PAPOLA: variants seen among roughly 807,000 people sequenced by gnomAD.
PAPOLA encodes the protein poly(A) polymerase alpha, also known as polynucleotide adenylyltransferase alpha.
In PAPOLA, 15 loss-of-function variants were observed where a neutral mutation model predicts 100.6. That is an observed-to-expected ratio of 0.15 (90% CI 0.10 to 0.23). The LOEUF (loss-of-function observed/expected upper bound fraction) is 0.23. Among genes scored for constraint, PAPOLA ranks in the 10% least tolerant of loss-of-function variants. The pLI, the probability that PAPOLA is intolerant of heterozygous loss-of-function variation, is 1.00. For missense variants in PAPOLA, 533 were observed against 884.2 expected, an observed-to-expected ratio of 0.60 and a Z score of 5.04; for synonymous variants, 293 against 300.0, an observed-to-expected ratio of 0.98 and a Z score of 0.24.
At chr14:96,557,090 G>A (rs963272369) in intron 19 of PAPOLA, among the ~76,000 whole-genome samples, 4 of 152,122 alleles carry the variant, frequency 2.6e-5, no homozygotes, top group African/African-American at 9.7e-5. Flanking sequence ...CTTTTGCCCA[G>A]GTTGGAGTGC....
chr14:96,508,267 G>A (rs1356845233), intron 1 of PAPOLA, among the ~76,000 whole-genome samples: 1 of 152,110 alleles, frequency 6.6e-6, no homozygotes, highest in Non-Finnish European at 1.5e-5. Context: ...TTTTGTTGTT[G>A]TCAGTGAAAA....
intron 20 of PAPOLA, 80 bp from the exon 21 acceptor site, chr14:96,562,739 A>G (rs925159449): frequency 2.5e-5 from 20 of 796,984 alleles, no homozygotes; most frequent in African/African-American, 1.7e-4. Flanking sequence ...TGTCTTCTTT[A>G]TTAGCCACCA....
At chr14:96,515,995 C>T (rs1897428866) in intron 1 of PAPOLA, among the ~76,000 whole-genome samples, 1 of 152,118 alleles carries the variant, frequency 6.6e-6, no homozygotes, top group African/African-American at 2.4e-5. Context: ...AATCCTTAAT[C>T]TTTGGAGGTT....
At chr14:96,524,987 G>C (rs1898343606) in intron 3 of PAPOLA, among the ~76,000 whole-genome samples, 1 of 152,160 alleles carries the variant, frequency 6.6e-6, no homozygotes, top group Non-Finnish European at 1.5e-5. Flanking sequence ...TCTTTGTCAT[G>C]AATAAAGTCC....
intron 3 of PAPOLA, among the ~76,000 whole-genome samples, chr14:96,522,108 C>CTTTTTTTTTTTTTTTTTT: frequency 2.0e-5 from 2 of 98,336 alleles, no homozygotes; most frequent in South Asian, 8.0e-4. Context: ...TAGCCTCTTT[C>CTTTTTTTTTTTTTTTTTT]TTTCTTTCTT....
intron 17 of PAPOLA, among the ~76,000 whole-genome samples, chr14:96,554,670 C>T (rs1183971983): frequency 6.6e-6 from 1 of 152,038 alleles, no homozygotes; most frequent in Admixed American, 6.5e-5. Flanking sequence ...AACCAGAGGA[C>T]TTTTCTGCTT....
At chr14:96,527,119 C>A in intron 4 of PAPOLA, 1 of 301,474 alleles carries the variant, frequency 3.3e-6, no homozygotes, top group Non-Finnish European at 6.1e-6. Context: ...TGACTAATGA[C>A]ATCAAGATGT....
intron 12 of PAPOLA, among the ~76,000 whole-genome samples, chr14:96,540,293 C>G (rs1051368078): frequency 6.6e-6 from 1 of 152,178 alleles, no homozygotes; most frequent in African/African-American, 2.4e-5. Flanking sequence ...TTTGTCCCTG[C>G]CCTTAGATGG....
intron 1 of PAPOLA, among the ~76,000 whole-genome samples, chr14:96,507,350 C>T (rs1394415081): frequency 7.6e-6 from 1 of 132,208 alleles, no homozygotes; most frequent in African/African-American, 3.0e-5. Flanking sequence ...TGCTGTGGCG[C>T]GATCTCCGCT....
rs1355639673 is a variant in PAPOLA, at chr14:96,555,837, T to A, written c.1665-10T>A. 1.4e-6 allele frequency: 2 copies of A among 1,441,274 alleles called. No homozygotes were observed. Among genetic ancestry groups the A allele is most frequent in the Non-Finnish European group, 9.4e-7 (1 of 1,066,122 alleles). 89.3% of individuals were successfully genotyped at this position (1,441,274 alleles called of 1,614,324 possible). On this transcript the variant is annotated splice_polypyrimidine_tract_variant and intron_variant, in intron 17 of 21. Coordinates refer to ENST00000216277, the MANE Select transcript of PAPOLA (RefSeq NM_032632.5). Reference sequence around the variant, plus strand: ...AATTTTGAGACAATTTTTAATTTTTTTTTTTTTAGCAGAAACAGTCCTGCT... The same window carrying A: ...AATTTTGAGACAATTTTTAATTTTTATTTTTTTAGCAGAAACAGTCCTGCT...
chr14:96,554,958 CT>C (rs2140325679), intron 17 of PAPOLA, among the ~76,000 whole-genome samples: 1 of 151,896 alleles, frequency 6.6e-6, no homozygotes, highest in Non-Finnish European at 1.5e-5. Flanking sequence ...TGGCTAGTGG[CT>C]TTTGGTTGGT....
At chr14:96,520,574 A>T (rs1484035675) in intron 2 of PAPOLA, among the ~76,000 whole-genome samples, 1 of 151,926 alleles carries the variant, frequency 6.6e-6, no homozygotes, top group African/African-American at 2.4e-5. Context: ...GTGGGGTTTC[A>T]CCATGTTGGG....
At chr14:96,551,787 T>G (rs1032064516) in intron 16 of PAPOLA, among the ~76,000 whole-genome samples, 2 of 152,202 alleles carry the variant, frequency 1.3e-5, no homozygotes, top group African/African-American at 4.8e-5. Flanking sequence ...ATTATTTGTT[T>G]TGGGGTGCTT....
intron 21 of PAPOLA, 114 bp downstream of exon 21, chr14:96,563,007 A>C (rs1309645273): frequency 2.3e-5 from 15 of 639,144 alleles, no homozygotes. Flanking sequence ...TTCTGAAAGT[A>C]ATTACTTGCT....
chr14:96,534,711 T>C, intron 10 of PAPOLA, 148 bp downstream of exon 10: 2 of 1,466,902 alleles, frequency 1.4e-6, no homozygotes, highest in Admixed American at 2.6e-5. Context: ...TCAACTATAA[T>C]TGTCCTCAAC....
At chr14:96,537,718 A>C (rs1001026122) in intron 12 of PAPOLA, 1 of 152,068 alleles carries the variant, frequency 6.6e-6, no homozygotes, top group Admixed American at 6.5e-5. Flanking sequence ...TAAAAAACAG[A>C]CAAACCACAG....
At chr14:96,526,239 T>C (rs1405120073) in intron 4 of PAPOLA, 1 of 152,270 alleles carries the variant, frequency 6.6e-6, no homozygotes, top group Non-Finnish European at 1.5e-5. Context: ...AGTACTGTTA[T>C]TCTCACATAA....
At chr14:96,533,176 T>A in intron 9 of PAPOLA, 1 of 984,344 alleles carries the variant, frequency 1.0e-6, no homozygotes, top group African/African-American at 1.7e-5. Flanking sequence ...ACCCAGATTT[T>A]TTTAAGTTTC....
intron 7 of PAPOLA, 106 bp from the exon 8 acceptor site, chr14:96,532,225 G>A: frequency 1.4e-6 from 2 of 1,409,800 alleles, no homozygotes; most frequent in South Asian, 1.7e-5. Flanking sequence ...AGAAAATTTG[G>A]AAGCATTACC....
Sources: allele counts gnomAD v4.1 joint callset (sites outside exome capture counted in the v4.1 genomes callset), GRCh38; gene constraint gnomAD v4.1.1; transcripts MANE v1.5; gene names NCBI Gene and HGNC (gene_info 2026-07-23, HGNC 2026-07-21).